The following WIZ variants were observed in gnomAD, a reference collection of about 807,000 sequenced individuals.
WIZ encodes protein Wiz.
A neutral mutation model predicts 140.2 loss-of-function variants in WIZ; 25 were observed. The ratio of observed to expected loss-of-function variants is 0.18; its 90% CI spans 0.13 to 0.25. WIZ has a LOEUF of 0.25. Among genes scored for constraint, WIZ ranks in the 10% least tolerant of loss-of-function variants. WIZ has a pLI of 1.00. For synonymous variants in WIZ, 1,125 were observed against 1,154.3 expected, an observed-to-expected ratio of 0.97 and a Z score of 0.51; for missense variants, 2,231 against 2,632.6, an observed-to-expected ratio of 0.85 and a Z score of 3.34.
rs1173103397 is a variant in WIZ at position 15,420,953 on chromosome 19, A to C, written c.*2123T>G. On this transcript the variant is annotated 3_prime_UTR_variant, in exon 13 of 13. Transcript: ENST00000673675. ...AACATGGTGAAACCCCCGTCTCTAC[A>C]AAAATTACAGATATAAGCCAGGGGT... 6.6e-6 allele frequency: 1 copy of C among 152,126 alleles called. No individual in the cohort carries two copies. Among genetic ancestry groups the C allele is most frequent in the Non-Finnish European group, 1.5e-5 (1 of 68,050 alleles). The allele number at this position is 152,126 out of a possible 1,614,324, so 9.4% of individuals were successfully genotyped here.
At position 15,439,747 on chromosome 19, in the gene WIZ, T is replaced by C; in HGVS notation, c.1247A>G (p.Tyr416Cys). The C allele has an allele frequency of 1.4e-6, 2 of 1,475,704 alleles. No homozygotes were observed. The highest frequency in any genetic ancestry group is 2.5e-5 in the East Asian group (1 of 40,422). 91.4% of individuals were successfully genotyped at this position (1,475,704 alleles called of 1,614,324 possible). A position where few individuals can be genotyped will look rare whatever the true frequency, so the allele number is the denominator to read the frequency against. The change falls in exon 4 of 13, where the codon TAT (tyrosine) becomes TGT (cysteine). Residue 416 changes from tyrosine to cysteine, a missense_variant. Around this residue, in one of 15 missense-constraint regions of WIZ, gnomAD observed 475 missense variants for 520.2 expected, o/e 0.91. Transcript: ENST00000673675. This position sits in a 1 kb window ranked among gnomAD's most constrained non-coding sequence, Gnocchi z 7.0. ...CATGTGCAGCTTGGCATGCTGCACATAGGCCCTGGATGAATTGGTGCCAAA... is the reference window on the plus strand; with the variant it reads ...CATGTGCAGCTTGGCATGCTGCACACAGGCCCTGGATGAATTGGTGCCAAA... ...CVFGTNSSRAYVQHAKLHMRE... is the reference protein window; with the variant it reads ...CVFGTNSSRACVQHAKLHMRE...
At chr19:15,429,426 A>G (rs1344057614) in intron 7 of WIZ, among the ~76,000 whole-genome samples, 160 bp downstream of exon 7, 5 of 152,228 alleles carry the variant, frequency 3.3e-5, no homozygotes, top group Admixed American at 3.3e-4. Context: ...GGAGATGCAG[A>G]GGCTTGACCA....
chr19:15,424,457 T>A lies in WIZ; in HGVS notation c.5315-79A>T. On this transcript the variant is annotated intron_variant, in intron 11 of 12. Transcript: ENST00000673675. This position sits in a 1 kb window ranked among gnomAD's most constrained non-coding sequence, Gnocchi z 9.7. ...CTTGGAATACACAAGAGCTGAGGAC[T>A]GATGCTACCTGGATGGGTGGGATGG... 6.5e-7 allele frequency: 1 copy of A among 1,545,448 alleles called. No homozygotes were observed. The highest frequency in any genetic ancestry group is 8.8e-7 in the Non-Finnish European group (1 of 1,142,652).
intron 5 of WIZ, chr19:15,432,522 T>TGGC (rs1473285192): frequency 5.2e-4 from 119 of 229,608 alleles, no homozygotes; most frequent in South Asian, 9.2e-4. Flanking sequence ...GCGGTGGTGG[T>TGGC]GGCGGCGGCG....
At position 15,427,367 on chromosome 19, in the gene WIZ, C is replaced by T. The variant is rs1267527015; in HGVS notation, c.3981G>A (p.Lys1327=). The T allele has an allele frequency of 5.0e-6, 8 of 1,613,536 alleles. No individual in the cohort carries two copies. Among genetic ancestry groups the T allele is most frequent in the African/African-American group, 1.3e-5 (1 of 74,914 alleles). The change falls in exon 9 of 13, where the codon AAG becomes AAA. Residue 1327 remains lysine (K), a synonymous_variant. Coordinates refer to ENST00000673675, the MANE Select transcript of WIZ (RefSeq NM_001371589.1). The surrounding 1 kb of genome is among the most constrained non-coding windows in gnomAD (Gnocchi z 6.4). ...SPIDTLREIL[K]RRTQSRPGGP... is the part of the protein sequence containing the mutation. Reference sequence around the variant, plus strand: ...CACCAGGCCGAGACTGGGTCCGTCTCTTCAGGATCTCCCGCAGCGTGTCGA... The same window carrying T: ...CACCAGGCCGAGACTGGGTCCGTCTTTTCAGGATCTCCCGCAGCGTGTCGA...
At chr19:15,447,695 C>G (rs1370000715) in intron 2 of WIZ, among the ~76,000 whole-genome samples, 1 of 152,146 alleles carries the variant, frequency 6.6e-6, no homozygotes, top group Non-Finnish European at 1.5e-5. Context: ...CTGTTTTGGC[C>G]CGTGGTTCAG....
chr19:15,441,340 C>A (rs995653267), intron 3 of WIZ, among the ~76,000 whole-genome samples: 1 of 152,108 alleles, frequency 6.6e-6, no homozygotes, highest in Non-Finnish European at 1.5e-5. Flanking sequence ...CCACTCTGGG[C>A]CTCAGTTTTC....
At position 15,439,937 on chromosome 19, in the gene WIZ, C is replaced by A; in HGVS notation, c.1057G>T (p.Ala353Ser). ...AAGGCCCAGCCACACTCCCCGCAGG[C>A]CAGCGGGGCCAGGTCCGCAGGGGGC... is the stretch of plus-strand genomic sequence containing the variant. The part of the protein sequence containing the change: ...QEPPADLAPL[A>S]CGECGWAFAD... Residue 353 changes from alanine to serine, a missense_variant, in exon 4 of 13, where the codon GCC becomes TCC. By Grantham distance (99) the Ala-to-Ser change is moderately conservative. Coordinates refer to ENST00000673675, the MANE Select transcript of WIZ (RefSeq NM_001371589.1). The surrounding 1 kb of genome is among the most constrained non-coding windows in gnomAD (Gnocchi z 7.0). The A allele has an allele frequency of 6.5e-7, 1 of 1,533,858 alleles. No homozygotes were observed. Among genetic ancestry groups the A allele is most frequent in the Non-Finnish European group, 8.7e-7 (1 of 1,145,766 alleles).
Position 15,428,290 on chromosome 19 carries a change from G to C in WIZ, c.3634C>G (p.Pro1212Ala), listed in dbSNP as rs1174604327. ...LPPRRGALAHPGRPPPTSAAL... is the reference protein window; with the variant it reads ...LPPRRGALAHAGRPPPTSAAL... ...GCGGAGGTGGGAGGCGGCCGCCCCG[G>C]GTGGGCCAGGGCGCCGCGCCTGGGT... The change falls in exon 8 of 13, where the codon CCG (proline) becomes GCG (alanine). Residue 1212 changes from proline to alanine, a missense_variant. By Grantham distance (27) the Pro-to-Ala change is conservative. Coordinates refer to ENST00000673675, the MANE Select transcript of WIZ (RefSeq NM_001371589.1). The surrounding 1 kb of genome is among the most constrained non-coding windows in gnomAD (Gnocchi z 6.4). 1.8e-5 allele frequency: 28 copies of C among 1,530,050 alleles called. No homozygotes were observed. Among genetic ancestry groups the C allele is most frequent in the South Asian group, 3.6e-5 (3 of 83,592 alleles). 94.8% of individuals were successfully genotyped at this position (1,530,050 alleles called of 1,614,324 possible). A position where few individuals can be genotyped will look rare whatever the true frequency, so the allele number is the denominator to read the frequency against.
intron 5 of WIZ, chr19:15,432,599 G>A (rs1969335721): frequency 3.5e-6 from 1 of 285,372 alleles, no homozygotes; most frequent in South Asian, 1.3e-4. Context: ...GGGCTGGGCG[G>A]GGGCGCCCCC....
chr19:15,439,672 C>G lies in WIZ; in HGVS notation c.1322G>C (p.Gly441Ala). The G allele has an allele frequency of 6.7e-7, 1 of 1,501,446 alleles. No homozygotes were observed. 93.0% of individuals were successfully genotyped at this position (1,501,446 alleles called of 1,614,324 possible). ...GGCCTCAGGGCTGGGGCTGCCAGCC[C>G]CGCTGCTGCCTCCAAAAGGCTCTTT... ...TTKEPFGGSSGAGSPSPEASA... is the reference protein window; with the variant it reads ...TTKEPFGGSSAAGSPSPEASA... Residue 441 changes from glycine (G) to alanine (A), a missense_variant, in exon 4 of 13, where the codon GGG becomes GCG. Gly to Ala is a moderately conservative substitution (Grantham distance 60). This residue lies in a region of WIZ where 475 missense variants were observed against 520.2 expected (regional missense o/e 0.91). Transcript: ENST00000673675. This position sits in a 1 kb window ranked among gnomAD's most constrained non-coding sequence, Gnocchi z 7.0.
chr19:15,421,458 C>T lies in WIZ; in HGVS notation c.*1618G>A, dbSNP rs1055161844. The T allele has an allele frequency of 6.6e-6, 1 of 152,350 alleles. No individual in the cohort carries two copies. Among genetic ancestry groups the T allele is most frequent in the African/African-American group, 2.4e-5 (1 of 41,472 alleles). 9.4% of individuals were successfully genotyped at this position (152,350 alleles called of 1,614,324 possible). On this transcript the variant is annotated 3_prime_UTR_variant, in exon 13 of 13. Coordinates refer to ENST00000673675, the MANE Select transcript of WIZ (RefSeq NM_001371589.1). ...TCCACACGCCATGAGGTCGTTCCCA[C>T]TCTCCAGCACTTGACCGTTTAGTAA...
intron 2 of WIZ, among the ~76,000 whole-genome samples, chr19:15,446,941 A>T (rs191721449): frequency 1.3e-5 from 2 of 152,330 alleles, no homozygotes; most frequent in East Asian, 3.9e-4. Context: ...CAGGTCAAGG[A>T]TCTGTGAGGA....
chr19:15,429,166 A>C (rs970372766), intron 7 of WIZ, among the ~76,000 whole-genome samples: 4 of 152,100 alleles, frequency 2.6e-5, no homozygotes, highest in Non-Finnish European at 5.9e-5. Context: ...TGATGACAGG[A>C]CCAATCGTGG....
chr19:15,427,419 G>C lies in WIZ; in HGVS notation c.3929C>G (p.Thr1310Ser). Residue 1310 changes from threonine to serine, a missense_variant, in exon 9 of 13, where the codon ACC (threonine) becomes AGC (serine). Transcript: ENST00000673675. The surrounding 1 kb of genome is among the most constrained non-coding windows in gnomAD (Gnocchi z 6.4). ...ARSHLRQMGVTEWYVNGSPID... is the reference protein window; with the variant it reads ...ARSHLRQMGVSEWYVNGSPID... ...GGGCGAGCCATTGACGTACCACTCG[G>C]TCACGCCCATTTGCCGCAGATGGGA... 6.2e-7 allele frequency: 1 copy of C among 1,613,666 alleles called. No homozygotes were observed. Among genetic ancestry groups the C allele is most frequent in the African/African-American group, 1.3e-5 (1 of 75,028 alleles).
At position 15,428,616 on chromosome 19, in the gene WIZ, G is replaced by GA. The variant is rs1969015828; in HGVS notation, c.3416-109_3416-108insT. On this transcript the variant is annotated intron_variant, in intron 7 of 12. Coordinates refer to ENST00000673675, the MANE Select transcript of WIZ (RefSeq NM_001371589.1). This position sits in a 1 kb window ranked among gnomAD's most constrained non-coding sequence, Gnocchi z 6.4. ...TTTTTGGCTGCTCAGGCAGTTGGGGGGTCCAAGACTCAGGCCGCAGATTTC... is the reference window on the plus strand; with the variant it reads ...TTTTTGGCTGCTCAGGCAGTTGGGGGAGTCCAAGACTCAGGCCGCAGATTTC... 22 of 1,329,922 alleles carry GA rather than the reference G, an allele frequency of 1.7e-5. No individual in the cohort carries two copies. In the South Asian group the frequency reaches 2.6e-4, roughly 16 times the overall value. The allele number at this position is 1,329,922 out of a possible 1,614,324, so 82.4% of individuals were successfully genotyped here.
At chr19:15,431,858 T>TTG (rs1969261461) in intron 5 of WIZ, among the ~76,000 whole-genome samples, 1 of 152,198 alleles carries the variant, frequency 6.6e-6, no homozygotes, top group African/African-American at 2.4e-5. Context: ...GAGGAGTGTG[T>TTG]GGCAGAGGGA....
chr19:15,420,521 C>T lies in WIZ; in HGVS notation c.*2555G>A, dbSNP rs1366296106. The T allele has an allele frequency of 3.9e-5, 6 of 152,260 alleles. No homozygotes were observed. The highest frequency in any genetic ancestry group is 8.8e-5 in the Non-Finnish European group (6 of 68,064). 9.4% of individuals were successfully genotyped at this position (152,260 alleles called of 1,614,324 possible). A position where few individuals can be genotyped will look rare whatever the true frequency, so the allele number is the denominator to read the frequency against. ...GCCCTGCAGGTTCGTTCCTTCATCG[C>T]ACTTGCCACAGTCATCATTGTACCG... is the stretch of plus-strand genomic sequence containing the variant. On this transcript the variant is annotated 3_prime_UTR_variant, in exon 13 of 13. Coordinates refer to ENST00000673675, the MANE Select transcript of WIZ (RefSeq NM_001371589.1).
At chr19:15,431,320 CCACCATAACCCCCAG>C in intron 5 of WIZ, 138 bp from the exon 6 acceptor site, 1 of 1,090,888 alleles carries the variant, frequency 9.2e-7, no homozygotes, top group South Asian at 1.7e-5. Flanking sequence ...AGCTGAGGTT[CCACCATAACCCCCAG>C]CACCAGTCCA....
Sources: allele counts gnomAD v4.1 joint callset (sites outside exome capture counted in the v4.1 genomes callset), GRCh38; gene constraint gnomAD v4.1.1; regional missense constraint gnomAD v4.1.1; non-coding constraint Gnocchi (gnomAD v3.1); transcripts MANE v1.5; gene names NCBI Gene and HGNC (gene_info 2026-07-23, HGNC 2026-07-21).